DSG2: variants seen among roughly 807,000 people sequenced by gnomAD.
The protein encoded by DSG2 is desmoglein 2.
A neutral mutation model predicts 75.6 loss-of-function variants in DSG2; 45 were observed. That is an observed-to-expected ratio of 0.60 (90% CI 0.47 to 0.76). DSG2 has a LOEUF of 0.76. Among genes scored for constraint, DSG2 ranks in the 30% least tolerant of loss-of-function variants. The pLI, the probability that DSG2 is intolerant of heterozygous loss-of-function variation, is 0.00. For missense variants in DSG2, 1,267 were observed against 1,357.4 expected (o/e 0.93, Z 1.05); for synonymous variants, 429 against 483.9 (o/e 0.89, Z 1.49).
rs554876049 is a variant in DSG2, at chr18:31,531,847, C to T, written c.1280+595C>T. Among the ~76,000 whole-genome samples the T allele has an allele frequency of 2.0e-5, 3 of 152,324 alleles. No individual in the cohort carries two copies. The South Asian group carries it at 6.2e-4, about 32-fold the overall frequency. On this transcript the variant is annotated intron_variant, in intron 9 of 14. Coordinates refer to ENST00000261590, the MANE Select transcript of DSG2 (RefSeq NM_001943.5). Reference sequence around the variant, plus strand: ...GTTGGAAGAAACTAGTTTGTGTCCACTCTGTAGTGGCACCTTATTGTGTGA... The same window carrying T: ...GTTGGAAGAAACTAGTTTGTGTCCATTCTGTAGTGGCACCTTATTGTGTGA...
intron 3 of DSG2, 92 bp downstream of exon 3, chr18:31,520,029 G>A: frequency 1.3e-6 from 2 of 1,499,466 alleles, no homozygotes; most frequent in Non-Finnish European, 1.8e-6. Context: ...TAAGGAAAAT[G>A]TATGATGTGC....
intron 8 of DSG2, among the ~76,000 whole-genome samples, chr18:31,525,985 A>C (rs891839802): frequency 3.3e-5 from 5 of 152,076 alleles, no homozygotes; most frequent in Non-Finnish European, 5.9e-5. Flanking sequence ...TACTACTAAA[A>C]ATACAAAAAT....
intron 12 of DSG2, among the ~76,000 whole-genome samples, chr18:31,539,885 G>A (rs2073255653): frequency 6.6e-6 from 1 of 152,158 alleles, no homozygotes; most frequent in Non-Finnish European, 1.5e-5. Flanking sequence ...CCTCCTGTTA[G>A]ACCAGTGCTG....
chr18:31,508,476 C>T (rs769179101), intron 1 of DSG2, among the ~76,000 whole-genome samples: 1 of 152,008 alleles, frequency 6.6e-6, no homozygotes, highest in Admixed American at 6.5e-5. Flanking sequence ...TCACTGCAAC[C>T]TCCGCCTCCT....
intron 1 of DSG2, among the ~76,000 whole-genome samples, chr18:31,499,837 T>C (rs1265431232): frequency 6.6e-6 from 1 of 152,210 alleles, no homozygotes; most frequent in African/African-American, 2.4e-5. Context: ...TTTGATACTT[T>C]TACCTTATTG....
At chr18:31,529,997 T>C (rs2073184751) in intron 8 of DSG2, among the ~76,000 whole-genome samples, 1 of 152,138 alleles carries the variant, frequency 6.6e-6, no homozygotes, top group African/African-American at 2.4e-5. Flanking sequence ...AAAAGAAACA[T>C]TGAAAAGTTG....
chr18:31,533,812 A>G (rs2073211887), intron 9 of DSG2, among the ~76,000 whole-genome samples: 1 of 152,172 alleles, frequency 6.6e-6, no homozygotes, highest in African/African-American at 2.4e-5. Flanking sequence ...AAATAGCACT[A>G]AAAATAAATA....
intron 1 of DSG2, among the ~76,000 whole-genome samples, chr18:31,501,722 C>T (rs549332627): frequency 6.6e-6 from 1 of 152,160 alleles, no homozygotes; most frequent in Non-Finnish European, 1.5e-5. Context: ...ATAAGAACAT[C>T]GGTTGTACTG....
intron 12 of DSG2, among the ~76,000 whole-genome samples, chr18:31,540,307 C>T (rs2073258101): frequency 6.6e-6 from 1 of 152,126 alleles, no homozygotes; most frequent in Non-Finnish European, 1.5e-5. Flanking sequence ...CAACAGTCTG[C>T]AGTGTACTTT....
intron 1 of DSG2, among the ~76,000 whole-genome samples, chr18:31,498,847 A>G (rs1442341068): frequency 6.6e-6 from 1 of 152,252 alleles, no homozygotes; most frequent in African/African-American, 2.4e-5. Context: ...GCTTAATTTT[A>G]AGTGGATCAC....
At chr18:31,513,066 C>T (rs1285703239) in intron 1 of DSG2, among the ~76,000 whole-genome samples, 1 of 152,164 alleles carries the variant, frequency 6.6e-6, no homozygotes, top group Non-Finnish European at 1.5e-5. Flanking sequence ...CTTTAATTTG[C>T]ACATCAGCCC....
intron 1 of DSG2, among the ~76,000 whole-genome samples, chr18:31,512,104 A>G (rs1355879629): frequency 6.6e-6 from 1 of 152,180 alleles, no homozygotes; most frequent in African/African-American, 2.4e-5. Flanking sequence ...TTTCTGAGCT[A>G]CTAACTCCTA....
chr18:31,537,586 T>A (rs1162868292), intron 11 of DSG2, among the ~76,000 whole-genome samples: 1 of 151,766 alleles, frequency 6.6e-6, no homozygotes, highest in African/African-American at 2.4e-5. Context: ...GCCACTGCAC[T>A]CCAGCCTGGG....
chr18:31,507,058 C>T (rs951344470), intron 1 of DSG2, among the ~76,000 whole-genome samples: 9 of 152,098 alleles, frequency 5.9e-5, no homozygotes, highest in African/African-American at 1.9e-4. Flanking sequence ...GGTATTTCTC[C>T]TAGTACTATC....
intron 1 of DSG2, among the ~76,000 whole-genome samples, chr18:31,516,573 A>G (rs1338196277): frequency 1.3e-5 from 2 of 152,224 alleles, no homozygotes; most frequent in African/African-American, 4.8e-5. Context: ...TAACAGATGG[A>G]ATGCCTCACA....
rs760706353 is a variant in DSG2, at chr18:31,524,747, G to A, written c.873G>A (p.Thr291=). The A allele has an allele frequency of 3.6e-5, 58 of 1,613,960 alleles. No homozygotes were observed. Among genetic ancestry groups the A allele is most frequent in the East Asian group, 8.9e-5 (4 of 44,880 alleles). Reference sequence around the variant, plus strand: ...AAAATCAAGTCAACGTAGAAGTTACGCGCATAAAAGTGTTCGATGCAGATG... The same window carrying A: ...AAAATCAAGTCAACGTAGAAGTTACACGCATAAAAGTGTTCGATGCAGATG... The part of the protein sequence containing the change: ...VEENQVNVEV[T]RIKVFDADEI... Residue 291 remains threonine (T), a synonymous_variant, in exon 8 of 15, where the codon ACG becomes ACA. Transcript: ENST00000261590.
At chr18:31,538,718 G>GT in intron 11 of DSG2, 33 bp from the exon 12 acceptor site, 2 of 1,579,848 alleles carry the variant, frequency 1.3e-6, no homozygotes, top group Non-Finnish European at 8.7e-7. Flanking sequence ...GTAATCGTTC[G>GT]TTTTTATTTC....
At chr18:31,541,120 C>T in intron 12 of DSG2, 73 bp from the exon 13 acceptor site, 1 of 1,604,132 alleles carries the variant, frequency 6.2e-7, no homozygotes, top group African/African-American at 1.3e-5. Flanking sequence ...ATGCAAATTC[C>T]AAAATTGTGC....
intron 1 of DSG2, among the ~76,000 whole-genome samples, chr18:31,505,747 C>T (rs1053343487): frequency 6.0e-5 from 9 of 150,860 alleles, no homozygotes; most frequent in East Asian, 1.9e-4. Context: ...CTGCAGCTTC[C>T]GCCTCCCAGG....
Sources: gnomAD v4.1 joint callset for allele counts (sites outside exome capture counted in the v4.1 genomes callset) on GRCh38, gnomAD v4.1.1 for gene constraint, MANE v1.5 for transcripts, NCBI Gene and HGNC (gene_info 2026-07-23, HGNC 2026-07-21) for gene names.